PDCD6: variants seen among roughly 807,000 people sequenced by gnomAD.
PDCD6 encodes programmed cell death protein 6.
A neutral mutation model predicts 28.3 loss-of-function variants in PDCD6; 12 were observed. The ratio of observed to expected loss-of-function variants is 0.42; its 90% CI spans 0.27 to 0.69. The LOEUF is 0.69. PDCD6 is among the 30% of genes least tolerant of loss of function. The pLI is 0.22. For missense variants in PDCD6, 226 were observed against 269.9 expected (o/e 0.84, Z 1.14); for synonymous variants, 92 against 108.0 (o/e 0.85, Z 0.92).
intron 2 of PDCD6, among the ~76,000 whole-genome samples, chr5:299,466 T>C (rs951172309): frequency 1.3e-5 from 2 of 151,532 alleles, no homozygotes; most frequent in African/African-American, 4.9e-5. Context: ...CAAAACATCT[T>C]GGAATTATAA....
At chr5:308,456 C>G (rs1740671160) in intron 4 of PDCD6, 3 of 152,204 alleles carry the variant, frequency 2.0e-5, no homozygotes, top group Non-Finnish European at 4.4e-5. Context: ...TTCCTGACTT[C>G]CAGGTTTTTC....
intron 1 of PDCD6, 115 bp downstream of exon 1, chr5:271,936 C>T (rs1311046881): frequency 7.3e-6 from 3 of 409,644 alleles, no homozygotes; most frequent in Non-Finnish European, 8.4e-6. Flanking sequence ...CCTCCTCCGT[C>T]CCCTGTCGGG....
intron 2 of PDCD6, chr5:288,727 C>T (rs1739139915): frequency 5.9e-6 from 3 of 506,228 alleles, no homozygotes; most frequent in Admixed American, 3.8e-5. Flanking sequence ...TGTTTTACAA[C>T]CTGCTTTTCT....
At chr5:294,720 G>A (rs35453449) in intron 2 of PDCD6, among the ~76,000 whole-genome samples, 9,028 of 124,318 alleles carry the variant, frequency 0.073, no homozygotes, top group African/African-American at 0.13. Context: ...AAACTTAAAC[G>A]TGCATGCACA....
intron 2 of PDCD6, among the ~76,000 whole-genome samples, chr5:300,787 G>A (rs980170701): frequency 3.9e-5 from 6 of 152,138 alleles, no homozygotes; most frequent in Admixed American, 6.5e-5. Context: ...ATCCCTCAGC[G>A]GCCCTTTCTA....
At chr5:284,511 C>T (rs776054978) in intron 2 of PDCD6, among the ~76,000 whole-genome samples, 78 of 151,588 alleles carry the variant, frequency 5.1e-4, no homozygotes, top group Admixed American at 2.1e-3. Flanking sequence ...CAACTGGAGA[C>T]CTGTGCGGGG....
intron 2 of PDCD6, among the ~76,000 whole-genome samples, chr5:297,114 G>A (rs1183819516): frequency 1.3e-5 from 2 of 152,224 alleles, no homozygotes; most frequent in Non-Finnish European, 2.9e-5. Flanking sequence ...AATGAAGCAT[G>A]AATGAATCCC....
intron 2 of PDCD6, among the ~76,000 whole-genome samples, chr5:282,017 G>A (rs1738604055): frequency 6.6e-6 from 1 of 151,808 alleles, no homozygotes; most frequent in South Asian, 2.1e-4. Flanking sequence ...TCTAGTTTGA[G>A]GGCCCTGCAG....
intron 2 of PDCD6, among the ~76,000 whole-genome samples, chr5:299,810 A>G (rs969819145): frequency 1.3e-5 from 2 of 152,002 alleles, no homozygotes; most frequent in African/African-American, 2.4e-5. Flanking sequence ...TGGCCTCCCA[A>G]AGTGCTGGGA....
chr5:310,996 C>T (rs551745845), intron 4 of PDCD6: 87 of 341,742 alleles, frequency 2.5e-4, no homozygotes, highest in African/African-American at 1.2e-3. Context: ...GAGTGCTTCC[C>T]GGAGGTGAGT....
chr5:299,458 A>G (rs1300447830), intron 2 of PDCD6, among the ~76,000 whole-genome samples: 6 of 151,172 alleles, frequency 4.0e-5, no homozygotes, highest in East Asian at 4.0e-4. Flanking sequence ...CTCGTTCCCA[A>G]AACATCTTGG....
intron 2 of PDCD6, among the ~76,000 whole-genome samples, chr5:299,451 G>A (rs970446058): frequency 9.3e-5 from 14 of 150,784 alleles, no homozygotes; most frequent in African/African-American, 2.2e-4. Context: ...CTGATCTCTC[G>A]TTCCCAAAAC....
chr5:279,438 G>A (rs1269185783), intron 2 of PDCD6, among the ~76,000 whole-genome samples: 4 of 152,198 alleles, frequency 2.6e-5, no homozygotes, highest in South Asian at 2.1e-4. Flanking sequence ...AATGAGAGGC[G>A]TGTGGAGCAG....
rs569881326 is a variant in PDCD6, at chr5:272,739, T to G, written c.130T>G (p.Ser44Ala). ...RVDKDRSGVI[S>A]DTELQQALSN... ...CGATAAAGACAGGAGTGGAGTGATA[T>G]CAGACACCGAGCTTCAGCAAGCTCT... Residue 44 changes from serine (S) to alanine (A), a missense_variant, in exon 2 of 6, where the codon TCA (serine) becomes GCA (alanine). Ser to Ala is a moderately conservative substitution (Grantham distance 99). Coordinates refer to ENST00000264933, the MANE Select transcript of PDCD6 (RefSeq NM_013232.4). 5.0e-6 allele frequency: 8 copies of G among 1,588,948 alleles called. No individual in the cohort carries two copies. The highest frequency in any genetic ancestry group is 6.8e-6 in the Non-Finnish European group (8 of 1,172,370).
intron 2 of PDCD6, among the ~76,000 whole-genome samples, chr5:302,109 C>CGCGCG (rs1740108583): frequency 4.4e-5 from 2 of 45,636 alleles, no homozygotes; most frequent in Admixed American, 2.6e-4. Context: ...TGTGTGTGTG[C>CGCGCG]CTTGGGTTCA....
At chr5:298,672 T>TCAGCTGCTCCCACTCAGCTGCTCCTCCC (rs1739775429) in intron 2 of PDCD6, among the ~76,000 whole-genome samples, 1 of 27,602 alleles carries the variant, frequency 3.6e-5, no homozygotes, top group Non-Finnish European at 6.5e-5. Flanking sequence ...CTGCTCCCAC[T>TCAGCTGCTCCCACTCAGCTGCTCCTCCC]CAGCTGCTCC....
At chr5:295,752 G>A (rs1336007248) in intron 2 of PDCD6, among the ~76,000 whole-genome samples, 3 of 147,080 alleles carry the variant, frequency 2.0e-5, no homozygotes, top group Non-Finnish European at 4.5e-5. Context: ...CCGGAATGCA[G>A]GGGTTTGTTC....
At chr5:285,435 T>G (rs1407249741) in intron 2 of PDCD6, among the ~76,000 whole-genome samples, 2 of 150,518 alleles carry the variant, frequency 1.3e-5, no homozygotes, top group East Asian at 4.0e-4. Context: ...TGGGAGCCGA[T>G]GTTCCAGTTT....
chr5:286,283 G>A (rs796239104), intron 2 of PDCD6, among the ~76,000 whole-genome samples: 6 of 151,982 alleles, frequency 3.9e-5, no homozygotes, highest in East Asian at 1.9e-4. Flanking sequence ...GAGACCCAGC[G>A]GGGAGCTGAT....
Sources: allele counts gnomAD v4.1 joint callset (sites outside exome capture counted in the v4.1 genomes callset), GRCh38; gene constraint gnomAD v4.1.1; transcripts MANE v1.5; gene names NCBI Gene and HGNC (gene_info 2026-07-23, HGNC 2026-07-21).